The following RXRA variants were observed in gnomAD, a reference collection of about 807,000 sequenced individuals.
RXRA encodes retinoid X receptor alpha.
Under a neutral mutation model 44.5 loss-of-function variants are expected in RXRA, and 5 were observed. The ratio of observed to expected loss-of-function variants is 0.11; its 90% CI spans 0.06 to 0.24. The LOEUF (loss-of-function observed/expected upper bound fraction) is 0.24. RXRA is among the 10% of genes least tolerant of loss of function. RXRA has a pLI of 1.00. For missense variants in RXRA, 412 were observed against 646.5 expected (o/e 0.64, Z 3.93); for synonymous variants, 291 against 271.4 (o/e 1.07, Z -0.71).
At chr9:134,357,463 A>C (rs1437261186) in intron 1 of RXRA, among the ~76,000 whole-genome samples, 1 of 151,992 alleles carries the variant, frequency 6.6e-6, no homozygotes, top group Admixed American at 6.6e-5. Context: ...TCGCCTGTGC[A>C]GGGGGTTGGG....
chr9:134,354,577 TG>T (rs1564267030), intron 1 of RXRA, among the ~76,000 whole-genome samples: 3 of 151,994 alleles, frequency 2.0e-5, no homozygotes, highest in African/African-American at 4.8e-5. Flanking sequence ...TCGGCAGCCG[TG>T]GGGGTGGTGC....
chr9:134,396,522 C>T (rs1238875246), intron 1 of RXRA, among the ~76,000 whole-genome samples: 1 of 152,026 alleles, frequency 6.6e-6, no homozygotes, highest in African/African-American at 2.4e-5. Flanking sequence ...GCGGGGGGGT[C>T]CCCAGGCAGG....
intron 1 of RXRA, among the ~76,000 whole-genome samples, chr9:134,368,069 G>T (rs939200352): frequency 5.3e-5 from 8 of 152,252 alleles, no homozygotes; most frequent in Admixed American, 2.0e-4. Context: ...GCAGGGCCAG[G>T]AGCCTGCGGC....
At chr9:134,368,977 ATG>A (rs1332033463) in intron 1 of RXRA, among the ~76,000 whole-genome samples, 2 of 44,674 alleles carry the variant, frequency 4.5e-5, no homozygotes, top group Non-Finnish European at 7.5e-5. Flanking sequence ...GTGTGGGGTT[ATG>A]TGTGTGTGAG....
At position 134,431,073 on chromosome 9, in the gene RXRA, G is replaced by C. The variant is rs1168417418; in HGVS notation, c.1044-832G>C. Among the ~76,000 whole-genome samples, 3 of 152,360 alleles carry C rather than the reference G, an allele frequency of 2.0e-5. No individual in the cohort carries two copies. In the East Asian group the frequency reaches 5.8e-4, roughly 29 times the overall value. ...GCACTCCCCATTCTGCAGACCCTCA[G>C]GGCCGCCCTTGGCCCACAGGGGAGA... On this transcript the variant is annotated intron_variant, in intron 7 of 9. Transcript: ENST00000481739.
At chr9:134,381,970 G>T (rs1158159837) in intron 1 of RXRA, among the ~76,000 whole-genome samples, 1 of 152,152 alleles carries the variant, frequency 6.6e-6, no homozygotes, top group Non-Finnish European at 1.5e-5. Flanking sequence ...CGCTCCCTCG[G>T]TGTAGCAGTC....
chr9:134,327,491 A>G (rs1554746186), intron 1 of RXRA, among the ~76,000 whole-genome samples: 1 of 152,010 alleles, frequency 6.6e-6, no homozygotes, highest in Non-Finnish European at 1.5e-5. Flanking sequence ...GAAGCTAGTG[A>G]GAAGGGGGAG....
chr9:134,412,917 T>A (rs1046598916), intron 4 of RXRA, among the ~76,000 whole-genome samples: 3 of 152,220 alleles, frequency 2.0e-5, no homozygotes, highest in Non-Finnish European at 2.9e-5. Flanking sequence ...CCTGCCTGCC[T>A]TTGCTTCCTG....
intron 1 of RXRA, chr9:134,374,017 G>C (rs890085184): frequency 6.6e-6 from 1 of 152,260 alleles, no homozygotes; most frequent in South Asian, 2.1e-4. Flanking sequence ...CCCTGGGTTC[G>C]ACGGGGGAAG....
intron 1 of RXRA, among the ~76,000 whole-genome samples, chr9:134,329,356 G>C (rs1300814040): frequency 2.6e-5 from 4 of 152,252 alleles, no homozygotes; most frequent in Non-Finnish European, 5.9e-5. Flanking sequence ...CTTTTAGCGC[G>C]GGCGCTGCCC....
intron 1 of RXRA, chr9:134,379,488 G>A (rs1480791097): frequency 1.8e-5 from 18 of 986,600 alleles, no homozygotes; most frequent in Non-Finnish European, 2.2e-5. Context: ...GGACCGAGTC[G>A]CTGCCCATCA....
In RXRA at chr9:134,437,442, T is replaced by G. The variant is rs1831643011; in HGVS notation, c.*828T>G. 6.6e-6 allele frequency: 1 copy of G among 152,550 alleles called. No individual in the cohort carries two copies. Among genetic ancestry groups the G allele is most frequent in the Admixed American group, 6.5e-5 (1 of 15,282 alleles). 9.4% of individuals were successfully genotyped at this position (152,550 alleles called of 1,614,324 possible). A position where few individuals can be genotyped will look rare whatever the true frequency, so the allele number is the denominator to read the frequency against. ...TCCCCAGCCTGAGTCTTCTCCTTGC[T>G]CTGCGGGGTGGGCTGAGGCTTGTCC... On this transcript the variant is annotated 3_prime_UTR_variant, in exon 10 of 10. Coordinates refer to ENST00000481739, the MANE Select transcript of RXRA (RefSeq NM_002957.6).
chr9:134,380,697 C>T (rs113738281), intron 1 of RXRA, among the ~76,000 whole-genome samples: 1 of 152,162 alleles, frequency 6.6e-6, no homozygotes, highest in Non-Finnish European at 1.5e-5. Context: ...GTCCCAGCTC[C>T]TGGGCCAGGT....
rs1830412129 is a variant in RXRA at position 134,366,150 on chromosome 9, A to C, written c.29-35482A>C. ...AGATGAGAAGCCAAGGCTCAGAGGCACCAGGGCCCCAGTGGGAGGCGGCAG... is the reference window on the plus strand; with the variant it reads ...AGATGAGAAGCCAAGGCTCAGAGGCCCCAGGGCCCCAGTGGGAGGCGGCAG... On this transcript the variant is annotated intron_variant, in intron 1 of 9. Coordinates refer to ENST00000481739, the MANE Select transcript of RXRA (RefSeq NM_002957.6). This position sits in a 1 kb window ranked among gnomAD's most constrained non-coding sequence, Gnocchi z 5.9. 6.6e-6 allele frequency among the ~76,000 whole-genome samples: 1 copy of C among 152,016 alleles called. No individual in the cohort carries two copies. The highest frequency in any genetic ancestry group is 1.5e-5 in the Non-Finnish European group (1 of 67,974).
At chr9:134,382,872 C>T (rs911297034) in intron 1 of RXRA, among the ~76,000 whole-genome samples, 3 of 152,184 alleles carry the variant, frequency 2.0e-5, no homozygotes, top group African/African-American at 7.2e-5. Flanking sequence ...GTGGACTCTG[C>T]CCCGGTGCTG....
Position 134,426,272 on chromosome 9 carries a change from C to A in RXRA, c.911-2836C>A, listed in dbSNP as rs1284375145. The A allele has an allele frequency of 4.7e-5, 46 of 985,328 alleles. No individual in the cohort carries two copies. The highest frequency in any genetic ancestry group is 6.1e-5 in the Admixed American group (1 of 16,264). 61.0% of individuals were successfully genotyped at this position (985,328 alleles called of 1,614,324 possible). A position where few individuals can be genotyped will look rare whatever the true frequency, so the allele number is the denominator to read the frequency against. On this transcript the variant is annotated intron_variant, in intron 6 of 9. Transcript: ENST00000481739. The surrounding 1 kb of genome is among the most constrained non-coding windows in gnomAD (Gnocchi z 4.6). ...TAAAGCTGTGTCCGTGCCGGGCCCC[C>A]ACATCACAGGGCCAGGAGCCCTCCT...
intron 1 of RXRA, among the ~76,000 whole-genome samples, chr9:134,353,039 TCTGGGGGTGCAGG>T (rs1226155538): frequency 6.6e-6 from 1 of 151,952 alleles, no homozygotes; most frequent in African/African-American, 2.4e-5. Flanking sequence ...TGGGCTGGCC[TCTGGGGGTGCAGG>T]CTGGGGGGAT....
intron 1 of RXRA, among the ~76,000 whole-genome samples, chr9:134,353,259 G>T (rs566272254): frequency 3.3e-4 from 51 of 152,276 alleles, no homozygotes; most frequent in Admixed American, 2.4e-3. Context: ...TTTCTTCGGT[G>T]GATTTCCTGG....
chr9:134,349,063 T>C lies in RXRA; in HGVS notation c.28+22404T>C, dbSNP rs1830189231. On this transcript the variant is annotated intron_variant, in intron 1 of 9. Transcript: ENST00000481739. The surrounding 1 kb of genome is among the most constrained non-coding windows in gnomAD (Gnocchi z 4.3). ...TGGTCCCCGCTGAGAAGGCTGGTGA[T>C]GCATGGTGGGTACGCTGCTTCCCGG... 6.6e-6 allele frequency among the ~76,000 whole-genome samples: 1 copy of C among 152,212 alleles called. No individual in the cohort carries two copies. The highest frequency in any genetic ancestry group is 2.4e-5 in the African/African-American group (1 of 41,448).
Sources: allele counts gnomAD v4.1 joint callset (sites outside exome capture counted in the v4.1 genomes callset), GRCh38; gene constraint gnomAD v4.1.1; non-coding constraint Gnocchi (gnomAD v3.1); transcripts MANE v1.5; gene names NCBI Gene and HGNC (gene_info 2026-07-23, HGNC 2026-07-21).